The following CHRNB1 variants were observed in gnomAD, a reference collection of about 807,000 sequenced individuals.
The protein encoded by CHRNB1 is cholinergic receptor nicotinic beta 1 subunit.
Under a neutral mutation model 53.8 loss-of-function variants are expected in CHRNB1, and 47 were observed. The observed-to-expected ratio is 0.87, with a 90% confidence interval of 0.69 to 1.11. CHRNB1 has a LOEUF of 1.11. CHRNB1 is among the 50% of genes most tolerant of loss of function. The pLI, the probability that CHRNB1 is intolerant of heterozygous loss-of-function variation, is 0.00. For synonymous variants in CHRNB1, 259 were observed against 263.5 expected, an observed-to-expected ratio of 0.98 and a Z score of 0.16; for missense variants, 605 against 654.9, an observed-to-expected ratio of 0.92 and a Z score of 0.83.
chr17:7,447,233 C>T (rs1312693493), intron 5 of CHRNB1, 82 bp downstream of exon 5: 1 of 1,168,058 alleles, frequency 8.6e-7, no homozygotes, highest in Admixed American at 1.8e-5. Context: ...CCGGCGACTC[C>T]CATCCTTCAT....
In CHRNB1 at chr17:7,448,560, T is replaced by G; in HGVS notation, c.611-19T>G. 1 of 1,613,382 alleles carries G rather than the reference T, an allele frequency of 6.2e-7. No homozygotes were observed. Among genetic ancestry groups the G allele is most frequent in the Non-Finnish European group, 8.5e-7 (1 of 1,179,462 alleles). On this transcript the variant is annotated intron_variant, in intron 6 of 10. Coordinates refer to ENST00000306071, the MANE Select transcript of CHRNB1 (RefSeq NM_000747.3). Reference sequence around the variant, plus strand: ...GACAGCTCTCACATCTGTGTTCCCCTCCTTCTGCTCATCCCCAGAGAATGG... The same window carrying G: ...GACAGCTCTCACATCTGTGTTCCCCGCCTTCTGCTCATCCCCAGAGAATGG...
Position 7,455,921 on chromosome 17 carries a change from G to A in CHRNB1, c.1345G>A (p.Glu449Lys), listed in dbSNP as rs1347283863. ...SISYIARQLQ[E>K]QEDHDALKED... Reference sequence around the variant, plus strand: ...CAGCTACATCGCTCGACAGCTGCAGGAACAGGAGGACCACGATGCGGTATG... The same window carrying A: ...CAGCTACATCGCTCGACAGCTGCAGAAACAGGAGGACCACGATGCGGTATG... The change falls in exon 10 of 11, where the codon GAA (glutamate) becomes AAA (lysine). Residue 449 changes from glutamate to lysine, a missense_variant. Coordinates refer to ENST00000306071, the MANE Select transcript of CHRNB1 (RefSeq NM_000747.3). 1 of 1,614,074 alleles carries A rather than the reference G, an allele frequency of 6.2e-7. No homozygotes were observed.
chr17:7,447,844 G>A (rs1395462248), intron 6 of CHRNB1, among the ~76,000 whole-genome samples, 194 bp downstream of exon 6: 3 of 152,088 alleles, frequency 2.0e-5, no homozygotes, highest in East Asian at 3.8e-4. Context: ...TTGGGAAGCC[G>A]AGGCGGGCGG....
At position 7,456,638 on chromosome 17, in the gene CHRNB1, C is replaced by G. The variant is rs762420518; in HGVS notation, c.1421C>G (p.Thr474Ser). 1 of 1,614,150 alleles carries G rather than the reference C, an allele frequency of 6.2e-7. No homozygotes were observed. Among genetic ancestry groups the G allele is most frequent in the South Asian group, 1.1e-5 (1 of 91,082 alleles). ...AMVVDRLFLW[T>S]FIIFTSVGTL... ...GTAGTGGACCGCCTCTTCCTGTGGA[C>G]TTTCATCATCTTCACCAGCGTTGGG... The change falls in exon 11 of 11, where the codon ACT (threonine) becomes AGT (serine). Residue 474 changes from threonine to serine, a missense_variant. Thr to Ser is a moderately conservative substitution (Grantham distance 58). Coordinates refer to ENST00000306071, the MANE Select transcript of CHRNB1 (RefSeq NM_000747.3).
intron 6 of CHRNB1, 80 bp from the exon 7 acceptor site, chr17:7,448,499 G>T (rs1908749576): frequency 2.6e-5 from 35 of 1,370,702 alleles, no homozygotes; most frequent in Non-Finnish European, 3.5e-5. Flanking sequence ...TCAGGTCTAG[G>T]CTGTGGCAGA....
intron 6 of CHRNB1, among the ~76,000 whole-genome samples, chr17:7,448,074 C>CAAAAAAAAA (rs71157286): frequency 1.2e-4 from 2 of 16,698 alleles, no homozygotes; most frequent in African/African-American, 1.8e-4. Context: ...AAGTTCGTCT[C>CAAAAAAAAA]AAAAAAAAAA....
intron 6 of CHRNB1, 115 bp from the exon 7 acceptor site, chr17:7,448,463 CA>C: frequency 1.1e-6 from 1 of 903,174 alleles, no homozygotes; most frequent in Non-Finnish European, 1.8e-6. Context: ...CCAGTTTTCA[CA>C]GCTAGTTTCA....
intron 7 of CHRNB1, among the ~76,000 whole-genome samples, chr17:7,450,881 A>G (rs1908859337): frequency 6.6e-6 from 1 of 152,210 alleles, no homozygotes. Flanking sequence ...CCTCTCTGCC[A>G]TCAAATCCTT....
rs199903026 is a variant in CHRNB1, at chr17:7,445,115, G to C, written c.-13G>C. On this transcript the variant is annotated 5_prime_UTR_variant, in exon 1 of 11. Transcript: ENST00000306071. This position sits in a 1 kb window ranked among gnomAD's most constrained non-coding sequence, Gnocchi z 5.7. ...GGCTCTCTGAGCGAAGTCACTGAGC[G>C]AGCCGCCAGGCTATGACCCCAGGGG... 817 of 1,606,214 alleles carry C rather than the reference G, an allele frequency of 5.1e-4. 4 individuals are homozygous for C. The African/African-American group carries it at 9.1e-3, about 18-fold the overall frequency.
Position 7,455,782 on chromosome 17 carries a change from C to G in CHRNB1, c.1218-12C>G. Reference sequence around the variant, plus strand: ...CTTTGCGTTTGGGCGTGGCCAGTCACTCCTCTTCCAGGTTCCAGCCTGAAC... The same window carrying G: ...CTTTGCGTTTGGGCGTGGCCAGTCAGTCCTCTTCCAGGTTCCAGCCTGAAC... On this transcript the variant is annotated splice_polypyrimidine_tract_variant and intron_variant, in intron 9 of 10. Transcript: ENST00000306071. The G allele has an allele frequency of 6.2e-7, 1 of 1,614,144 alleles. No individual in the cohort carries two copies.
Position 7,448,580 on chromosome 17 carries a change from G to A in CHRNB1, c.612G>A (p.Glu204=), listed in dbSNP as rs754405279. The change falls in exon 7 of 11, where the codon GAG becomes GAA. Residue 204 remains glutamate (E), a splice_region_variant and synonymous_variant. Coordinates refer to ENST00000306071, the MANE Select transcript of CHRNB1 (RefSeq NM_000747.3). ...TCCCCTCCTTCTGCTCATCCCCAGA[G>A]AATGGCCAGTGGGAGATTATCCACA... ...EIHIHEGTFI[E]NGQWEIIHKP... is the part of the protein sequence containing the mutation. 8.1e-6 allele frequency: 13 copies of A among 1,614,064 alleles called. No homozygotes were observed. Among genetic ancestry groups the A allele is most frequent in the Non-Finnish European group, 1.1e-5 (13 of 1,179,996 alleles).
Position 7,447,136 on chromosome 17 carries a change from C to A in CHRNB1, c.447C>A (p.Ser149Arg). The A allele has an allele frequency of 6.2e-7, 1 of 1,613,786 alleles. No individual in the cohort carries two copies. The highest frequency in any genetic ancestry group is 2.2e-5 in the East Asian group (1 of 44,878). The change falls in exon 5 of 11, where the codon AGC becomes AGA. Residue 149 changes from serine (S) to arginine (R), a missense_variant. Transcript: ENST00000306071. The part of the protein sequence containing the change: ...VRWQPPGIYR[S>R]SCSIQVTYFP... ...GGCAACCCCCGGGCATCTATCGCAG[C>A]AGCTGCAGCATCCAGGTTTCCGGCC...
rs1027546230 is a variant in CHRNB1, at chr17:7,445,996, A to T, written c.199-73A>T. 2.3e-6 allele frequency: 3 copies of T among 1,323,344 alleles called. No individual in the cohort carries two copies. In the Admixed American group the frequency reaches 5.0e-5, roughly 22 times the overall value. 82.0% of individuals were successfully genotyped at this position (1,323,344 alleles called of 1,614,324 possible). The stretch of plus-strand genomic sequence containing the variant: ...AAAGGGGGCGGCGTTCCCAGGAGAG[A>T]GGTTGGCCCCCCGAGCCCCCTCATT... On this transcript the variant is annotated intron_variant, in intron 2 of 10. Transcript: ENST00000306071. The surrounding 1 kb of genome is among the most constrained non-coding windows in gnomAD (Gnocchi z 5.7).
chr17:7,446,071 C>A lies in CHRNB1; in HGVS notation c.201C>A (p.Asn67Lys). Reference protein sequence around the residue: ...GLILAQLISLNEKDEEMSTKV... With the variant: ...GLILAQLISLKEKDEEMSTKV... The stretch of plus-strand genomic sequence containing the variant: ...CGCCTTAAATTTTTCCCTTCTAGAA[C>A]GAGAAGGATGAAGAGATGAGCACAA... The change falls in exon 3 of 11, where the codon AAC (asparagine) becomes AAA (lysine). Residue 67 changes from asparagine (N) to lysine (K), a missense_variant and splice_region_variant. Transcript: ENST00000306071. 6.2e-7 allele frequency: 1 copy of A among 1,613,838 alleles called. No homozygotes were observed. Among genetic ancestry groups the A allele is most frequent in the Non-Finnish European group, 8.5e-7 (1 of 1,179,866 alleles).
At position 7,457,045 on chromosome 17, in the gene CHRNB1, C is replaced by T. The variant is rs904447212; in HGVS notation, c.*322C>T. On this transcript the variant is annotated 3_prime_UTR_variant, in exon 11 of 11. Transcript: ENST00000306071. The stretch of plus-strand genomic sequence containing the variant: ...TCAAGAAATGTGACTTGGCCGGGCG[C>T]GGTGGCTCACGCCTGTAATCCCAGC... 5.6e-5 allele frequency: 19 copies of T among 336,940 alleles called. No homozygotes were observed. The highest frequency in any genetic ancestry group is 1.0e-4 in the Non-Finnish European group (18 of 174,622). 20.9% of individuals were successfully genotyped at this position (336,940 alleles called of 1,614,324 possible).
At chr17:7,449,885 A>G (rs1381204408) in intron 7 of CHRNB1, among the ~76,000 whole-genome samples, 1 of 151,684 alleles carries the variant, frequency 6.6e-6, no homozygotes, top group African/African-American at 2.4e-5. Context: ...TCTACTAAAA[A>G]CACAAAAAAT....
chr17:7,451,528 G>A (rs1056472385), intron 7 of CHRNB1, among the ~76,000 whole-genome samples: 2 of 151,846 alleles, frequency 1.3e-5, no homozygotes, highest in African/African-American at 2.4e-5. Flanking sequence ...TGATCCACCC[G>A]CCTTGGCCTC....
chr17:7,456,311 C>T (rs903829146), intron 10 of CHRNB1, among the ~76,000 whole-genome samples: 13 of 152,108 alleles, frequency 8.5e-5, no homozygotes, highest in African/African-American at 2.2e-4. Flanking sequence ...GCTTCGGCCT[C>T]CCAAAGTGCT....
At position 7,447,592 on chromosome 17, in the gene CHRNB1, C is replaced by T. The variant is rs773097351; in HGVS notation, c.552C>T (p.Gly184=). ...YDSSEVSLQT[G]LGPDGQGHQE... ...GCTCGGAGGTCAGCCTGCAGACAGGCCTGGGTCCTGACGGGCAAGGGCATC... is the reference window on the plus strand; with the variant it reads ...GCTCGGAGGTCAGCCTGCAGACAGGTCTGGGTCCTGACGGGCAAGGGCATC... The change falls in exon 6 of 11, where the codon GGC becomes GGT. Residue 184 remains glycine (G), a synonymous_variant. Transcript: ENST00000306071. The T allele has an allele frequency of 2.5e-6, 4 of 1,614,202 alleles. No individual in the cohort carries two copies. The highest frequency in any genetic ancestry group is 3.4e-6 in the Non-Finnish European group (4 of 1,180,036).
Sources: gnomAD v4.1 joint callset for allele counts (sites outside exome capture counted in the v4.1 genomes callset) on GRCh38, gnomAD v4.1.1 for gene constraint, Gnocchi (gnomAD v3.1) non-coding constraint, MANE v1.5 for transcripts, NCBI Gene and HGNC (gene_info 2026-07-23, HGNC 2026-07-21) for gene names.